Variants in ROR2 observed in about 807,000 individuals in gnomAD.
ROR2 encodes the protein ROR family WNT receptor 2.
In ROR2, 33 loss-of-function variants were observed where a neutral mutation model predicts 74.9. The ratio of observed to expected loss-of-function variants is 0.44; its 90% confidence interval spans 0.33 to 0.59. The LOEUF (loss-of-function observed/expected upper bound fraction) is 0.59. Ranked by LOEUF, ROR2 falls within the 20% of genes least tolerant of loss-of-function variation. The pLI, the probability that ROR2 is intolerant of heterozygous loss-of-function variation, is 0.02. For missense variants in ROR2, 1,216 were observed against 1,313.8 expected (o/e 0.93, Z 1.15); for synonymous variants, 586 against 558.7 (o/e 1.05, Z -0.69).
chr9:91,893,897 T>C (rs1164042566), intron 1 of ROR2, among the ~76,000 whole-genome samples: 1 of 152,164 alleles, frequency 6.6e-6, no homozygotes, highest in Non-Finnish European at 1.5e-5. Context: ...TTTAAGTACA[T>C]TCACACTGTT....
intron 1 of ROR2, among the ~76,000 whole-genome samples, chr9:91,788,865 A>C (rs1385477043): frequency 6.6e-6 from 1 of 151,896 alleles, no homozygotes; most frequent in Non-Finnish European, 1.5e-5. Context: ...TGTCTCAAAA[A>C]AAAAAAAAAA....
chr9:91,820,228 C>G (rs145058149), intron 1 of ROR2, among the ~76,000 whole-genome samples: 96 of 152,218 alleles, frequency 6.3e-4, no homozygotes, highest in African/African-American at 2.3e-3. Flanking sequence ...ATAAACAAAA[C>G]AATGTCTGGG....
chr9:91,900,936 T>C (rs1830662491), intron 1 of ROR2, among the ~76,000 whole-genome samples: 1 of 152,214 alleles, frequency 6.6e-6, no homozygotes, highest in Admixed American at 6.5e-5. Context: ...TTTAATCAGA[T>C]ACTGGACTAT....
At position 91,723,992 on chromosome 9, in the gene ROR2, C is replaced by T. The variant is rs917113282; in HGVS notation, c.2502G>A (p.Leu834=). The T allele has an allele frequency of 6.2e-7, 1 of 1,612,902 alleles. No homozygotes were observed. The highest frequency in any genetic ancestry group is 1.3e-5 in the African/African-American group (1 of 75,054). Residue 834 remains leucine (L), a synonymous_variant, in exon 9 of 9, where the codon CTG becomes CTA. Coordinates refer to ENST00000375708, the MANE Select transcript of ROR2 (RefSeq NM_004560.4). ...GGATCTGCACCGGGTAGAAGTTGGG[C>T]AGGTAGGCCCCATAGGCCGGCACCG... ...YQPVPAYGAY[L]PNFYPVQIPM...
chr9:91,777,555 T>C (rs1826462383), intron 1 of ROR2, among the ~76,000 whole-genome samples: 1 of 152,168 alleles, frequency 6.6e-6, no homozygotes, highest in South Asian at 2.1e-4. Context: ...ATTCACACAC[T>C]ATAAAATTCA....
At position 91,905,717 on chromosome 9, in the gene ROR2, T is replaced by C. The variant is rs1830797305; in HGVS notation, c.97+44150A>G. On this transcript the variant is annotated intron_variant, in intron 1 of 8. Coordinates refer to ENST00000375708, the MANE Select transcript of ROR2 (RefSeq NM_004560.4). This position sits in a 1 kb window ranked among gnomAD's most constrained non-coding sequence, Gnocchi z 5.3. ...TTAGAAGACCACAAACCCCACTACATGGTAGATAAATGGGGGTGGGGGGAG... is the reference window on the plus strand; with the variant it reads ...TTAGAAGACCACAAACCCCACTACACGGTAGATAAATGGGGGTGGGGGGAG... Among the ~76,000 whole-genome samples, 1 of 125,478 alleles carries C rather than the reference T, an allele frequency of 8.0e-6. No homozygotes were observed. The allele number at this position is 125,478 out of a possible 152,430, so 82.3% of individuals were successfully genotyped here. A position where few individuals can be genotyped will look rare whatever the true frequency, so the allele number is the denominator to read the frequency against.
At chr9:91,945,866 A>C (rs1187166165) in intron 1 of ROR2, among the ~76,000 whole-genome samples, 2 of 152,202 alleles carry the variant, frequency 1.3e-5, no homozygotes, top group African/African-American at 4.8e-5. Flanking sequence ...CTCGTTTCCA[A>C]CTTGGCAAGC....
intron 1 of ROR2, among the ~76,000 whole-genome samples, chr9:91,836,539 CA>C (rs753563302): frequency 1.3e-3 from 138 of 102,448 alleles, no homozygotes; most frequent in East Asian, 1.9e-3. Context: ...GATTCCATCT[CA>C]AAAAAAAAAA....
At chr9:91,826,700 C>T (rs1392992159) in intron 1 of ROR2, among the ~76,000 whole-genome samples, 9 of 151,240 alleles carry the variant, frequency 6.0e-5, no homozygotes, top group Non-Finnish European at 1.0e-4. Flanking sequence ...ACGAGAATGG[C>T]GTGAACCCGG....
chr9:91,809,500 C>T lies in ROR2; in HGVS notation c.98-33682G>A, dbSNP rs76243718. Among the ~76,000 whole-genome samples the T allele has an allele frequency of 1.4e-4, 21 of 152,356 alleles. No individual in the cohort carries two copies. In the East Asian group the frequency reaches 3.1e-3, roughly 22 times the overall value. ...AACAATTCTGCTTCACAGTTCTCTC[C>T]GCACAGCTCTTAATAAGCCACTGAC... On this transcript the variant is annotated intron_variant, in intron 1 of 8. Transcript: ENST00000375708.
chr9:91,731,119 C>G lies in ROR2; in HGVS notation c.974G>C (p.Arg325Thr). The change falls in exon 7 of 9, where the codon AGA (arginine) becomes ACA (threonine). Residue 325 changes from arginine (R) to threonine (T), a missense_variant. Transcript: ENST00000375708. Reference sequence around the variant, plus strand: ...TGACTTGGTGGTGCTTGCCGTTCCTCTGTAATCCATGCCTGAGCCGTTATA... The same window carrying G: ...TGACTTGGTGGTGCTTGCCGTTCCTGTGTAATCCATGCCTGAGCCGTTATA... ...QCYNGSGMDY[R>T]GTASTTKSGH... 6.2e-7 allele frequency: 1 copy of G among 1,614,114 alleles called. No homozygotes were observed. The highest frequency in any genetic ancestry group is 8.5e-7 in the Non-Finnish European group (1 of 1,180,036).
intron 1 of ROR2, among the ~76,000 whole-genome samples, chr9:91,879,847 C>T (rs10761132): frequency 0.47 from 70,866 of 151,868 alleles, 19,208 homozygotes; most frequent in African/African-American, 0.74. Context: ...ACTCCTTCCA[C>T]GTGTCCATCT....
intron 1 of ROR2, among the ~76,000 whole-genome samples, chr9:91,925,079 T>C (rs1251834080): frequency 6.6e-6 from 1 of 152,092 alleles, no homozygotes; most frequent in Admixed American, 6.5e-5. Flanking sequence ...CTCAAACTCT[T>C]GGGCTCAGTA....
chr9:91,724,786 G>C lies in ROR2; in HGVS notation c.1708C>G (p.Pro570Ala). 6.2e-7 allele frequency: 1 copy of C among 1,611,704 alleles called. No individual in the cohort carries two copies. The highest frequency in any genetic ancestry group is 1.1e-5 in the South Asian group (1 of 91,022). Reference sequence around the variant, plus strand: ...TCGGTGCTGCCCACGTCCGAGTGCGGCGAGCGCATGACCAGGAATTCGTGG... The same window carrying C: ...TCGGTGCTGCCCACGTCCGAGTGCGCCGAGCGCATGACCAGGAATTCGTGG... ...DLHEFLVMRS[P>A]HSDVGSTDDD... The change falls in exon 9 of 9, where the codon CCG becomes GCG. Residue 570 changes from proline (P) to alanine (A), a missense_variant. Coordinates refer to ENST00000375708, the MANE Select transcript of ROR2 (RefSeq NM_004560.4).
chr9:91,770,461 C>T (rs1826193374), intron 2 of ROR2, among the ~76,000 whole-genome samples: 4 of 152,192 alleles, frequency 2.6e-5, no homozygotes, highest in Admixed American at 2.6e-4. Flanking sequence ...CACACCCACT[C>T]CAGGGAGTGT....
intron 2 of ROR2, among the ~76,000 whole-genome samples, chr9:91,772,022 A>C (rs1826247215): frequency 6.6e-6 from 1 of 152,250 alleles, no homozygotes; most frequent in Non-Finnish European, 1.5e-5. Flanking sequence ...CATTCCCAGA[A>C]GCTCTATGAG....
At chr9:91,729,268 C>T (rs1014542346) in intron 7 of ROR2, among the ~76,000 whole-genome samples, 2 of 152,184 alleles carry the variant, frequency 1.3e-5, no homozygotes, top group Non-Finnish European at 2.9e-5. Flanking sequence ...AAAAAAGCAC[C>T]TCTAACACAG....
In ROR2 at chr9:91,922,565, G is replaced by A. The variant is rs565240270; in HGVS notation, c.97+27302C>T. Reference sequence around the variant, plus strand: ...ACCACCCAGGTTCAAGCGATTCTCCGGCCTCAGCCTCCGAAGTAGCTGGGA... The same window carrying A: ...ACCACCCAGGTTCAAGCGATTCTCCAGCCTCAGCCTCCGAAGTAGCTGGGA... On this transcript the variant is annotated intron_variant, in intron 1 of 8. Coordinates refer to ENST00000375708, the MANE Select transcript of ROR2 (RefSeq NM_004560.4). Among the ~76,000 whole-genome samples the A allele has an allele frequency of 2.0e-3, 306 of 151,824 alleles. 2 individuals carry two copies. The highest frequency in any genetic ancestry group is 7.0e-3 in the African/African-American group (290 of 41,386).
chr9:91,948,472 T>C, intron 1 of ROR2: 1 of 667,164 alleles, frequency 1.5e-6, no homozygotes, highest in Non-Finnish European at 1.9e-6. Flanking sequence ...GAGCGGTTTA[T>C]GCTTTAATGC....
Sources: allele counts gnomAD v4.1 joint callset (sites outside exome capture counted in the v4.1 genomes callset), GRCh38; gene constraint gnomAD v4.1.1; non-coding constraint Gnocchi (gnomAD v3.1); transcripts MANE v1.5; gene names NCBI Gene and HGNC (gene_info 2026-07-23, HGNC 2026-07-21).